The following AGBL1 variants were observed in gnomAD, a reference collection of about 807,000 sequenced individuals.
The protein encoded by AGBL1 is AGBL carboxypeptidase 1.
In AGBL1, 130 loss-of-function variants were observed where a neutral mutation model predicts 118.9. That is an observed-to-expected ratio of 1.09 (90% CI 0.95 to 1.26). The LOEUF (loss-of-function observed/expected upper bound fraction) is 1.26, where lower values mean the gene tolerates loss of function less well. AGBL1 is among the 50% of genes most tolerant of loss of function. AGBL1 has a pLI of 0.00. For missense variants in AGBL1, 1,584 were observed against 1,298.1 expected (o/e 1.22, Z -3.38); for synonymous variants, 555 against 478.9 (o/e 1.16, Z -2.08).
At position 86,910,595 on chromosome 15, in the gene AGBL1, T is replaced by C. The variant is rs2080336509; in HGVS notation, c.*3301T>C. ...TGCCCCAGGTGTGATACTACTATATTTGAAGAGCAGAACGTTTGCATTCAG... is the reference window on the plus strand; with the variant it reads ...TGCCCCAGGTGTGATACTACTATATCTGAAGAGCAGAACGTTTGCATTCAG... On this transcript the variant is annotated 3_prime_UTR_variant, in exon 23 of 23. Coordinates refer to ENST00000614907, the MANE Select transcript of AGBL1 (RefSeq NM_001386094.1). 1 of 152,170 alleles carries C rather than the reference T, an allele frequency of 6.6e-6. No homozygotes were observed. Among genetic ancestry groups the C allele is most frequent in the Admixed American group, 6.5e-5 (1 of 15,280 alleles). The allele number at this position is 152,170 out of a possible 1,614,324, so 9.4% of individuals were successfully genotyped here. A position where few individuals can be genotyped will look rare whatever the true frequency, so the allele number is the denominator to read the frequency against.
intron 22 of AGBL1, among the ~76,000 whole-genome samples, chr15:86,765,037 G>T (rs914158593): frequency 6.6e-6 from 1 of 151,976 alleles, no homozygotes; most frequent in Admixed American, 6.6e-5. Flanking sequence ...AGAGGGAGAA[G>T]AAGCTTGGAA....
At position 86,914,102 on chromosome 15, in the gene AGBL1, T is replaced by C. The variant is rs901496582; in HGVS notation, c.*6808T>C. On this transcript the variant is annotated 3_prime_UTR_variant, in exon 23 of 23. Coordinates refer to ENST00000614907, the MANE Select transcript of AGBL1 (RefSeq NM_001386094.1). The stretch of plus-strand genomic sequence containing the variant: ...TGGTCTTGAAGGGCAGGGCAAGACA[T>C]GGCATTGAGTTCAATTGTCTCTACT... 2 of 152,184 alleles carry C rather than the reference T, an allele frequency of 1.3e-5. No homozygotes were observed. Among genetic ancestry groups the C allele is most frequent in the Non-Finnish European group, 2.9e-5 (2 of 68,040 alleles). 9.4% of individuals were successfully genotyped at this position (152,184 alleles called of 1,614,324 possible). A position where few individuals can be genotyped will look rare whatever the true frequency, so the allele number is the denominator to read the frequency against.
In AGBL1 at chr15:86,254,798, C is replaced by T. The variant is rs144969654; in HGVS notation, c.736-2055C>T. 2.4e-3 allele frequency among the ~76,000 whole-genome samples: 360 copies of T among 152,300 alleles called. 1 individual carries two copies. The highest frequency in any genetic ancestry group is 8.0e-3 in the African/African-American group (333 of 41,566). ...ACCTTAGTCTTGGCTCTGCACAGCA[C>T]CTTTCCATCAGCATGAGGGAAATGT... On this transcript the variant is annotated intron_variant, in intron 7 of 22. Coordinates refer to ENST00000614907, the MANE Select transcript of AGBL1 (RefSeq NM_001386094.1).
At chr15:86,353,665 G>C (rs1305066137) in intron 17 of AGBL1, among the ~76,000 whole-genome samples, 2 of 152,146 alleles carry the variant, frequency 1.3e-5, no homozygotes, top group Admixed American at 1.3e-4. Context: ...GTATGAAAGA[G>C]GTTTATCTTG....
chr15:86,515,073 C>T (rs943730179), intron 18 of AGBL1, among the ~76,000 whole-genome samples: 1 of 152,144 alleles, frequency 6.6e-6, no homozygotes, highest in Admixed American at 6.5e-5. Context: ...TATCCTGCTA[C>T]TTTACTGAAT....
chr15:86,635,964 G>A (rs2085075119), intron 21 of AGBL1, among the ~76,000 whole-genome samples: 1 of 152,118 alleles, frequency 6.6e-6, no homozygotes, highest in South Asian at 2.1e-4. Context: ...AGCTCTAATG[G>A]TGGGATGGTA....
At chr15:86,809,641 G>T (rs1567184157) in intron 22 of AGBL1, among the ~76,000 whole-genome samples, 1 of 152,278 alleles carries the variant, frequency 6.6e-6, no homozygotes, top group Admixed American at 6.5e-5. Flanking sequence ...AATGCAGGCA[G>T]TCCTTGGAAT....
At chr15:86,976,825 T>C (rs1334179416) in intron 23 of AGBL1, among the ~76,000 whole-genome samples, 1 of 152,064 alleles carries the variant, frequency 6.6e-6, no homozygotes, top group East Asian at 1.9e-4. Context: ...TATATACGCA[T>C]ATTCACCATT....
chr15:86,550,025 T>C (rs2083643367), intron 20 of AGBL1, among the ~76,000 whole-genome samples: 1 of 151,926 alleles, frequency 6.6e-6, no homozygotes, highest in African/African-American at 2.4e-5. Flanking sequence ...AATCAGTAAT[T>C]TGATGATTAA....
chr15:86,724,710 G>A (rs752282457), intron 22 of AGBL1, among the ~76,000 whole-genome samples: 1 of 152,158 alleles, frequency 6.6e-6, no homozygotes, highest in East Asian at 1.9e-4. Context: ...GGAGGTGTTG[G>A]GGTCATGGGA....
intron 17 of AGBL1, among the ~76,000 whole-genome samples, chr15:86,364,502 A>G (rs915865717): frequency 6.6e-6 from 1 of 152,096 alleles, no homozygotes; most frequent in African/African-American, 2.4e-5. Flanking sequence ...CTGGAATTTT[A>G]ATGCGTCCAC....
chr15:86,093,185 C>T (rs914931194), intron 1 of AGBL1, among the ~76,000 whole-genome samples: 1 of 152,154 alleles, frequency 6.6e-6, no homozygotes, highest in African/African-American at 2.4e-5. Flanking sequence ...GTGAACCACA[C>T]ACAAGCTAGT....
At chr15:86,881,661 G>A (rs1458276973) in intron 22 of AGBL1, among the ~76,000 whole-genome samples, 1 of 152,100 alleles carries the variant, frequency 6.6e-6, no homozygotes, top group Non-Finnish European at 1.5e-5. Context: ...TTAAGATAGG[G>A]TCTCACTGTG....
intron 22 of AGBL1, among the ~76,000 whole-genome samples, chr15:86,785,402 T>G (rs1596478697): frequency 7.2e-6 from 1 of 138,054 alleles, no homozygotes; most frequent in African/African-American, 2.8e-5. Flanking sequence ...TGAGATGGAG[T>G]GTTGCTCTGT....
intron 18 of AGBL1, among the ~76,000 whole-genome samples, chr15:86,401,231 T>A (rs1479472356): frequency 6.6e-6 from 1 of 152,194 alleles, no homozygotes; most frequent in East Asian, 1.9e-4. Context: ...ATTTTTTTCA[T>A]ATGTTTGTTG....
chr15:86,253,548 C>T (rs552060042), intron 7 of AGBL1, among the ~76,000 whole-genome samples: 1 of 152,034 alleles, frequency 6.6e-6, no homozygotes, highest in Non-Finnish European at 1.5e-5. Context: ...CATGCCTGGC[C>T]TCCATCAACT....
At chr15:87,002,359 C>T (rs1596727664) in intron 24 of AGBL1, among the ~76,000 whole-genome samples, 2 of 151,912 alleles carry the variant, frequency 1.3e-5, no homozygotes, top group South Asian at 4.1e-4. Context: ...GTACCAGTAC[C>T]ATGCTGTTTT....
At chr15:86,992,669 G>T (rs2141744480) in intron 24 of AGBL1, among the ~76,000 whole-genome samples, 1 of 152,106 alleles carries the variant, frequency 6.6e-6, no homozygotes, top group Middle Eastern at 3.4e-3. Flanking sequence ...CTGTTTCCCT[G>T]GGTCTGAGTG....
At chr15:86,565,138 G>T (rs181594670) in intron 21 of AGBL1, among the ~76,000 whole-genome samples, 2 of 152,212 alleles carry the variant, frequency 1.3e-5, no homozygotes, top group Non-Finnish European at 2.9e-5. Flanking sequence ...AATCGTCAAA[G>T]TCATTCTCTG....
Sources: allele counts gnomAD v4.1 joint callset (sites outside exome capture counted in the v4.1 genomes callset), GRCh38; gene constraint gnomAD v4.1.1; transcripts MANE v1.5; gene names NCBI Gene and HGNC (gene_info 2026-07-23, HGNC 2026-07-21).